Variants in KDR observed in about 807,000 individuals in gnomAD.
KDR encodes the protein vascular endothelial growth factor receptor 2.
KDR carries 43 observed loss-of-function variants against 160.9 expected under a neutral mutation model. That is an observed-to-expected ratio of 0.27 (90% CI 0.21 to 0.34). KDR has a LOEUF of 0.34. Ranked by LOEUF, KDR falls within the 10% of genes least tolerant of loss-of-function variation. The pLI, the probability that KDR is intolerant of heterozygous loss-of-function variation, is 1.00. For missense variants in KDR, 1,469 were observed against 1,666.4 expected, an observed-to-expected ratio of 0.88 and a Z score of 2.06; for synonymous variants, 617 against 600.1, an observed-to-expected ratio of 1.03 and a Z score of -0.41.
At chr4:55,107,518 T>A (rs1469076026) in intron 10 of KDR, among the ~76,000 whole-genome samples, 1 of 152,120 alleles carries the variant, frequency 6.6e-6, no homozygotes, top group Non-Finnish European at 1.5e-5. Context: ...ACGGCTAACC[T>A]AACAAGGCTG....
At chr4:55,095,444 A>T in intron 20 of KDR, 133 bp downstream of exon 20, 2 of 709,046 alleles carry the variant, frequency 2.8e-6, no homozygotes, top group Non-Finnish European at 5.1e-6. Flanking sequence ...AGGAAGTTAC[A>T]ACAGCCAAGA....
chr4:55,089,256 A>G lies in KDR; in HGVS notation c.3404+118T>C, dbSNP rs1261592167. The G allele has an allele frequency of 2.1e-5, 16 of 756,012 alleles. 1 individual carries two copies. The highest frequency in any genetic ancestry group is 2.0e-4 in the South Asian group (13 of 64,248). 46.8% of individuals were successfully genotyped at this position (756,012 alleles called of 1,614,324 possible). On this transcript the variant is annotated intron_variant, in intron 25 of 29. Transcript: ENST00000263923. Reference sequence around the variant, plus strand: ...CTTGAAATTATCAAGAAAGGCCCCAAAGTAAAAGCAGGACACTAACTGGGC... The same window carrying G: ...CTTGAAATTATCAAGAAAGGCCCCAGAGTAAAAGCAGGACACTAACTGGGC...
chr4:55,094,788 G>T lies in KDR; in HGVS notation c.2971+14C>A. On this transcript the variant is annotated intron_variant, in intron 21 of 29. Coordinates refer to ENST00000263923, the MANE Select transcript of KDR (RefSeq NM_002253.4). Reference sequence around the variant, plus strand: ...AAGAGCATGCCATAGCATGCAGGAAGCACTAGCCAGTACCTTCCTCTTCTT... The same window carrying T: ...AAGAGCATGCCATAGCATGCAGGAATCACTAGCCAGTACCTTCCTCTTCTT... 1 of 1,612,076 alleles carries T rather than the reference G, an allele frequency of 6.2e-7. No homozygotes were observed.
chr4:55,115,878 T>C (rs1224205162), intron 3 of KDR, among the ~76,000 whole-genome samples: 1 of 152,170 alleles, frequency 6.6e-6, no homozygotes, highest in African/African-American at 2.4e-5. Context: ...ATAATGTAAA[T>C]TCCATGAAAA....
intron 17 of KDR, among the ~76,000 whole-genome samples, 162 bp downstream of exon 17, chr4:55,097,975 C>T (rs925385808): frequency 6.6e-6 from 1 of 151,958 alleles, no homozygotes; most frequent in East Asian, 1.9e-4. Context: ...AGGGACCCTA[C>T]CTCTAAGTGG....
Position 55,089,428 on chromosome 4 carries a change from C to T in KDR, c.3350G>A (p.Arg1117Lys). 6.8e-6 allele frequency: 11 copies of T among 1,613,198 alleles called. No individual in the cohort carries two copies. The highest frequency in any genetic ancestry group is 9.3e-6 in the Non-Finnish European group (11 of 1,179,430). ...CATTCTAGTTCCTTCTTTCAATCGC[C>T]TACAAAATTCTTCATCAATCTTTAC... ...PGVKIDEEFCRRLKEGTRMRA... is the reference protein window; with the variant it reads ...PGVKIDEEFCKRLKEGTRMRA... The change falls in exon 25 of 30, where the codon AGG becomes AAG. Residue 1117 changes from arginine to lysine, a missense_variant. Physicochemically the swap from Arg to Lys is conservative, Grantham distance 26. Coordinates refer to ENST00000263923, the MANE Select transcript of KDR (RefSeq NM_002253.4).
At chr4:55,106,164 G>T (rs1018653373) in intron 11 of KDR, among the ~76,000 whole-genome samples, 41 of 151,764 alleles carry the variant, frequency 2.7e-4, no homozygotes, top group African/African-American at 9.9e-4. Context: ...TTTGGATTTT[G>T]GAATATTTGC....
rs2110025370 is a variant in KDR at position 55,107,836 on chromosome 4, C to T, written c.1313G>A (p.Gly438Asp). The change falls in exon 10 of 30, where the codon GGC becomes GAC. Residue 438 changes from glycine to aspartate, a missense_variant. Gly to Asp is a moderately conservative substitution (Grantham distance 94). Around this residue, in one of 7 missense-constraint regions of KDR, gnomAD observed 792 missense variants for 840.9 expected, o/e 0.94. Coordinates refer to ENST00000263923, the MANE Select transcript of KDR (RefSeq NM_002253.4). ...LISPVDSYQY[G>D]TTQTLTCTVY... Reference sequence around the variant, plus strand: ...CGTACATGTCAGCGTTTGAGTGGTGCCGTACTGGTAGGAATCCACAGGAGA... The same window carrying T: ...CGTACATGTCAGCGTTTGAGTGGTGTCGTACTGGTAGGAATCCACAGGAGA... The T allele has an allele frequency of 6.2e-7, 1 of 1,613,856 alleles. No individual in the cohort carries two copies. The highest frequency in any genetic ancestry group is 8.5e-7 in the Non-Finnish European group (1 of 1,179,902).
intron 13 of KDR, 74 bp from the exon 14 acceptor site, chr4:55,102,582 T>A: frequency 6.6e-7 from 1 of 1,513,630 alleles, no homozygotes; most frequent in Non-Finnish European, 9.1e-7. Flanking sequence ...AGCAAACTTT[T>A]AAACAGTTTA....
At chr4:55,096,388 C>T (rs775330088) in intron 18 of KDR, 46 bp from the exon 19 acceptor site, 1 of 1,398,750 alleles carries the variant, frequency 7.1e-7, no homozygotes, top group Non-Finnish European at 1.0e-6. Context: ...TGGACATTTC[C>T]TTCAATAATT....
chr4:55,088,853 A>G lies in KDR; in HGVS notation c.3510+15T>C. On this transcript the variant is annotated intron_variant, in intron 26 of 29. Coordinates refer to ENST00000263923, the MANE Select transcript of KDR (RefSeq NM_002253.4). ...AGTACTCTTTGTAGGTGCTTCTTGG[A>G]TGGAGGTGACAAACCTGCTGAGCAT... 2 of 1,581,210 alleles carry G rather than the reference A, an allele frequency of 1.3e-6. No individual in the cohort carries two copies. The highest frequency in any genetic ancestry group is 1.7e-6 in the Non-Finnish European group (2 of 1,149,992).
chr4:55,098,860 T>G, intron 15 of KDR, 57 bp from the exon 16 acceptor site: 1 of 1,373,530 alleles, frequency 7.3e-7, no homozygotes, highest in East Asian at 2.3e-5. Flanking sequence ...TTTTTGTTTG[T>G]AAGATGACAA....
At chr4:55,107,965 C>T (rs1211342220) in intron 9 of KDR, 72 bp from the exon 10 acceptor site, 1 of 1,531,060 alleles carries the variant, frequency 6.5e-7, no homozygotes, top group African/African-American at 1.4e-5. Context: ...ATTTTAGCAA[C>T]TAAAGCTGAC....
At chr4:55,118,052 A>G (rs1285222825) in intron 3 of KDR, among the ~76,000 whole-genome samples, 3 of 152,354 alleles carry the variant, frequency 2.0e-5, no homozygotes, top group East Asian at 3.9e-4. Flanking sequence ...AAGCAAAGGA[A>G]AGAAACATTG....
At chr4:55,096,985 A>C (rs950963396) in intron 18 of KDR, among the ~76,000 whole-genome samples, 1 of 152,224 alleles carries the variant, frequency 6.6e-6, no homozygotes, top group African/African-American at 2.4e-5. Flanking sequence ...AGATGGAGAA[A>C]GATAGCTTTG....
intron 18 of KDR, chr4:55,096,632 C>A (rs1720164350): frequency 4.6e-6 from 2 of 436,310 alleles, no homozygotes; most frequent in Admixed American, 7.6e-5. Context: ...TGCCCAGATT[C>A]TCTTCTTCTG....
At position 55,125,436 on chromosome 4, in the gene KDR, G is replaced by T; in HGVS notation, c.-143C>A. On this transcript the variant is annotated 5_prime_UTR_variant, in exon 1 of 30. Transcript: ENST00000263923. Reference sequence around the variant, plus strand: ...TTGAGCGCACAGGGCTAGGGAGCCCGGGCGCCGACCGCGGCTGCAGGGGCG... The same window carrying T: ...TTGAGCGCACAGGGCTAGGGAGCCCTGGCGCCGACCGCGGCTGCAGGGGCG... The T allele has an allele frequency of 1.9e-6, 2 of 1,056,866 alleles. No individual in the cohort carries two copies. Among genetic ancestry groups the T allele is most frequent in the South Asian group, 2.8e-5 (2 of 71,442 alleles). The allele number at this position is 1,056,866 out of a possible 1,614,324, so 65.5% of individuals were successfully genotyped here.
rs192217039 is a variant in KDR at position 55,106,832 on chromosome 4, G to A, written c.1413-22C>T. On this transcript the variant is annotated intron_variant, in intron 10 of 29. Transcript: ENST00000263923. Reference sequence around the variant, plus strand: ...TTGGCTATAAGAAAGAGATAACAGCGCATATTATGATTTAATTTTTCTTTA... The same window carrying A: ...TTGGCTATAAGAAAGAGATAACAGCACATATTATGATTTAATTTTTCTTTA... 226 of 1,592,858 alleles carry A rather than the reference G, an allele frequency of 1.4e-4. No homozygotes were observed. In the African/African-American group the frequency reaches 1.9e-3, roughly 13 times the overall value.
Position 55,125,553 on chromosome 4 carries a change from G to C in KDR, c.-260C>G. ...GCCCGGCGCAGGCAGAGGAAACGCA[G>C]CGACCACACATTGACCGCTCTCCCG... On this transcript the variant is annotated 5_prime_UTR_variant, in exon 1 of 30. Coordinates refer to ENST00000263923, the MANE Select transcript of KDR (RefSeq NM_002253.4). 1 of 597,446 alleles carries C rather than the reference G, an allele frequency of 1.7e-6. No homozygotes were observed. The highest frequency in any genetic ancestry group is 3.0e-6 in the Non-Finnish European group (1 of 334,922). 37.0% of individuals were successfully genotyped at this position (597,446 alleles called of 1,614,324 possible).
Sources: gnomAD v4.1 joint callset for allele counts (sites outside exome capture counted in the v4.1 genomes callset) on GRCh38, gnomAD v4.1.1 for gene constraint, gnomAD v4.1.1 regional missense constraint, MANE v1.5 for transcripts, NCBI Gene and HGNC (gene_info 2026-07-23, HGNC 2026-07-21) for gene names.